SCNN1B: variants seen among roughly 807,000 people sequenced by gnomAD.
SCNN1B encodes epithelial sodium channel subunit beta.
A neutral mutation model predicts 65.3 loss-of-function variants in SCNN1B; 46 were observed. The observed-to-expected ratio is 0.70, with a 90% CI of 0.56 to 0.90. The LOEUF is 0.90. Ranked by LOEUF, SCNN1B falls within the 40% of genes least tolerant of loss-of-function variation. The pLI, the probability that SCNN1B is intolerant of heterozygous loss-of-function variation, is 0.00. For missense variants in SCNN1B, 751 were observed against 830.5 expected (o/e 0.90, Z 1.18); for synonymous variants, 349 against 330.6 (o/e 1.06, Z -0.60).
chr16:23,306,934 G>A (rs1961231665), intron 1 of SCNN1B, among the ~76,000 whole-genome samples: 1 of 152,222 alleles, frequency 6.6e-6, no homozygotes, highest in African/African-American at 2.4e-5. Flanking sequence ...AGTATGTGCA[G>A]GTTCTCTTGT....
intron 1 of SCNN1B, among the ~76,000 whole-genome samples, chr16:23,335,053 A>T (rs1222106594): frequency 6.6e-6 from 1 of 152,076 alleles, no homozygotes; most frequent in Non-Finnish European, 1.5e-5. Flanking sequence ...TTTCCTGTGG[A>T]CATGTAAGCT....
intron 2 of SCNN1B, among the ~76,000 whole-genome samples, chr16:23,296,843 A>G (rs1961004406): frequency 6.6e-6 from 1 of 152,054 alleles, no homozygotes; most frequent in Non-Finnish European, 1.5e-5. Context: ...CTACTAAAAT[A>G]CAAAAAATTA....
At chr16:23,310,607 T>C (rs1961320848) in intron 1 of SCNN1B, among the ~76,000 whole-genome samples, 2 of 151,804 alleles carry the variant, frequency 1.3e-5, no homozygotes, top group African/African-American at 4.8e-5. Flanking sequence ...TGCCTGGGAG[T>C]TGGAGGCTAC....
chr16:23,322,630 T>C (rs779262255), intron 1 of SCNN1B, among the ~76,000 whole-genome samples: 2 of 152,154 alleles, frequency 1.3e-5, no homozygotes, highest in African/African-American at 2.4e-5. Flanking sequence ...AAAATTGTCA[T>C]AGCCACATTT....
At chr16:23,374,614 G>A (rs904760811) in intron 7 of SCNN1B, among the ~76,000 whole-genome samples, 1 of 147,796 alleles carries the variant, frequency 6.8e-6, no homozygotes, top group African/African-American at 2.5e-5. Context: ...TAAAACACTT[G>A]CCCGAAACCG....
chr16:23,343,643 GAAAGAAAA>G (rs1268655441), intron 1 of SCNN1B, among the ~76,000 whole-genome samples: 21 of 108,280 alleles, frequency 1.9e-4, no homozygotes, highest in South Asian at 7.5e-4. Flanking sequence ...AAGAAAGAAA[GAAAGAAAA>G]AAAGAAAGGA....
At chr16:23,308,855 G>A (rs116684127) in intron 1 of SCNN1B, among the ~76,000 whole-genome samples, 4,932 of 152,108 alleles carry the variant, frequency 0.032, 245 homozygotes, top group African/African-American at 0.11. Flanking sequence ...TGGCTGCGTC[G>A]GCCTCCCAAA....
intron 1 of SCNN1B, among the ~76,000 whole-genome samples, chr16:23,317,114 C>T (rs961497244): frequency 2.6e-5 from 4 of 152,234 alleles, no homozygotes; most frequent in African/African-American, 2.4e-5. Flanking sequence ...TGATTCCTAG[C>T]TCTGCCACTT....
Position 23,380,783 on chromosome 16 carries a change from T to C in SCNN1B, c.1905T>C (p.Ser635=), listed in dbSNP as rs765100793. The change falls in exon 13 of 13, where the codon AGT becomes AGC. Residue 635 remains serine (S), a synonymous_variant. Coordinates refer to ENST00000343070, the MANE Select transcript of SCNN1B (RefSeq NM_000336.3). The surrounding 1 kb of genome is among the most constrained non-coding windows in gnomAD (Gnocchi z 5.4). ...LQPLDVIESD[S]EGDAI ...CGCTGGACGTCATCGAGTCTGACAG[T>C]GAGGGTGATGCCATCTAACCCTGCC... The C allele has an allele frequency of 6.2e-7, 1 of 1,612,130 alleles. No homozygotes were observed. The highest frequency in any genetic ancestry group is 8.5e-7 in the Non-Finnish European group (1 of 1,179,948).
intron 2 of SCNN1B, among the ~76,000 whole-genome samples, chr16:23,351,295 G>A (rs61186711): frequency 0.03 from 4,556 of 152,132 alleles, 264 homozygotes; most frequent in African/African-American, 0.1. Context: ...CGATTCTCTG[G>A]GTTACTTATT....
chr16:23,286,854 G>A (rs1434859580), intron 2 of SCNN1B, among the ~76,000 whole-genome samples: 1 of 152,194 alleles, frequency 6.6e-6, no homozygotes, highest in African/African-American at 2.4e-5. Context: ...CACTTTGGGA[G>A]GCTGAGGCAG....
intron 1 of SCNN1B, among the ~76,000 whole-genome samples, chr16:23,321,426 G>T (rs959035983): frequency 6.6e-6 from 1 of 152,102 alleles, no homozygotes. Flanking sequence ...GTGAGTGGGG[G>T]TGTGAGCAGG....
chr16:23,368,008 C>T, intron 5 of SCNN1B, 49 bp downstream of exon 5: 1 of 1,389,174 alleles, frequency 7.2e-7, no homozygotes, highest in South Asian at 1.2e-5. Flanking sequence ...TTTAACCACC[C>T]CCACAATGTG....
chr16:23,364,516 T>A (rs1282293751), intron 4 of SCNN1B, among the ~76,000 whole-genome samples: 1 of 152,178 alleles, frequency 6.6e-6, no homozygotes, highest in Non-Finnish European at 1.5e-5. Flanking sequence ...TTTGGAGGGT[T>A]CTCAGAAAGG....
intron 5 of SCNN1B, among the ~76,000 whole-genome samples, chr16:23,370,231 G>A (rs375468191): frequency 5.9e-5 from 9 of 152,172 alleles, no homozygotes; most frequent in South Asian, 2.1e-4. Flanking sequence ...TCAGCCTCCC[G>A]AGTAGTTGGG....
intron 3 of SCNN1B, among the ~76,000 whole-genome samples, chr16:23,353,591 A>G (rs141464252): frequency 3.8e-4 from 58 of 152,338 alleles, no homozygotes; most frequent in African/African-American, 1.3e-3. Flanking sequence ...GGGCTACAGC[A>G]GGGGCTCTCA....
intron 1 of SCNN1B, chr16:23,304,002 G>A (rs1961140271): frequency 2.3e-6 from 3 of 1,324,068 alleles, no homozygotes. Context: ...AGTTATCCAT[G>A]CTGCTGCATA....
intron 1 of SCNN1B, among the ~76,000 whole-genome samples, chr16:23,338,001 G>A (rs1481290881): frequency 2.0e-5 from 3 of 152,148 alleles, no homozygotes; most frequent in Admixed American, 2.0e-4. Context: ...GAGTCCAGAA[G>A]GTTGAGGCTG....
At chr16:23,321,271 C>A (rs1328999621) in intron 1 of SCNN1B, among the ~76,000 whole-genome samples, 1 of 152,058 alleles carries the variant, frequency 6.6e-6, no homozygotes, top group Non-Finnish European at 1.5e-5. Context: ...CGAACTCTTA[C>A]CCTCAAGTGA....
Sources: gnomAD v4.1 joint callset for allele counts (sites outside exome capture counted in the v4.1 genomes callset) on GRCh38, gnomAD v4.1.1 for gene constraint, Gnocchi (gnomAD v3.1) non-coding constraint, MANE v1.5 for transcripts, NCBI Gene and HGNC (gene_info 2026-07-23, HGNC 2026-07-21) for gene names.